NOTCH2NLC: variants seen among roughly 807,000 people sequenced by gnomAD.
NOTCH2NLC encodes the protein notch homolog 2 N-terminal-like protein C.
Under a neutral mutation model 17.7 loss-of-function variants are expected in NOTCH2NLC, and 4 were observed. The observed-to-expected ratio is 0.23, with a 90% CI of 0.11 to 0.52. The LOEUF (loss-of-function observed/expected upper bound fraction) is 0.52, where lower values mean the gene tolerates loss of function less well. Ranked by LOEUF, NOTCH2NLC falls within the 20% of genes least tolerant of loss-of-function variation. The pLI is 0.96. For synonymous variants in NOTCH2NLC, 18 were observed against 86.0 expected (o/e 0.21, Z 4.38); for missense variants, 57 against 207.2 (o/e 0.28, Z 4.45).
At position 149,462,791 on chromosome 1, in the gene NOTCH2NLC, C is replaced by T. The variant is rs1401589519; in HGVS notation, c.470-700C>T. 6.0e-5 allele frequency among the ~76,000 whole-genome samples: 9 copies of T among 148,974 alleles called. 1 individual carries two copies. Among genetic ancestry groups the T allele is most frequent in the Admixed American group, 3.4e-4 (5 of 14,912 alleles). On this transcript the variant is annotated intron_variant, in intron 3 of 4. Transcript: ENST00000650865. ...TACAGAGGTTGGAACTTTAGAGTTGCCAAGATAGGGAGAGTTCACTAGGAA... is the reference window on the plus strand; with the variant it reads ...TACAGAGGTTGGAACTTTAGAGTTGTCAAGATAGGGAGAGTTCACTAGGAA...
rs1211508811 is a variant in NOTCH2NLC, at chr1:149,471,447, C to T, written c.*7294C>T. ...AAGTGATTTATAATTTTACCACCTA[C>T]CTTTAGGTCTCTGATCCATTTTGAG... On this transcript the variant is annotated 3_prime_UTR_variant, in exon 5 of 5. Coordinates refer to ENST00000650865, the MANE Select transcript of NOTCH2NLC (RefSeq NM_001364013.2). Among the ~76,000 whole-genome samples, 1 of 150,536 alleles carries T rather than the reference C, an allele frequency of 6.6e-6. No individual in the cohort carries two copies. The highest frequency in any genetic ancestry group is 1.5e-5 in the Non-Finnish European group (1 of 67,498).
At chr1:149,413,007 C>T (rs1290313925) in intron 1 of NOTCH2NLC, among the ~76,000 whole-genome samples, 5 of 142,458 alleles carry the variant, frequency 3.5e-5, no homozygotes, top group Admixed American at 7.1e-5. Flanking sequence ...CAGGCTCAAG[C>T]GATTCTCCTG....
chr1:149,420,113 G>C (rs1172410032), intron 1 of NOTCH2NLC, among the ~76,000 whole-genome samples: 6 of 149,406 alleles, frequency 4.0e-5, no homozygotes, highest in African/African-American at 1.5e-4. Flanking sequence ...CTCGTGATCC[G>C]CCCACCTCGG....
chr1:149,406,339 C>T, intron 1 of NOTCH2NLC: 1 of 151,006 alleles, frequency 6.6e-6, no homozygotes, highest in East Asian at 1.9e-4. Flanking sequence ...TAGATTATCC[C>T]TGCTATTTTA....
intron 2 of NOTCH2NLC, among the ~76,000 whole-genome samples, chr1:149,432,682 A>G (rs1350810406): frequency 2.0e-5 from 3 of 150,122 alleles, no homozygotes; most frequent in Non-Finnish European, 1.5e-5. Flanking sequence ...CTTTTGCTAG[A>G]ATGTGAGGTC....
rs1454509101 is a variant in NOTCH2NLC, at chr1:149,419,806, G to A, written c.136-11136G>A. Among the ~76,000 whole-genome samples the A allele has an allele frequency of 4.6e-3, 653 of 141,328 alleles. 8 individuals are homozygous for A. The highest frequency in any genetic ancestry group is 0.017 in the African/African-American group (631 of 38,134). 92.7% of individuals were successfully genotyped at this position (141,328 alleles called of 152,430 possible). A position where few individuals can be genotyped will look rare whatever the true frequency, so the allele number is the denominator to read the frequency against. The stretch of plus-strand genomic sequence containing the variant: ...TTGTATGTCTGAAGAAACAAAGCAA[G>A]GGAGAATAAAATAAATAAAAATTGA... On this transcript the variant is annotated intron_variant, in intron 1 of 4. Coordinates refer to ENST00000650865, the MANE Select transcript of NOTCH2NLC (RefSeq NM_001364013.2).
chr1:149,399,163 A>T (rs2084229281), intron 1 of NOTCH2NLC, among the ~76,000 whole-genome samples: 3 of 151,272 alleles, frequency 2.0e-5, no homozygotes, highest in African/African-American at 7.3e-5. Flanking sequence ...ATTCTAAAAT[A>T]AACTGCCTTG....
chr1:149,419,530 G>T (rs2084366463), intron 1 of NOTCH2NLC, among the ~76,000 whole-genome samples: 1 of 150,568 alleles, frequency 6.6e-6, no homozygotes, highest in Non-Finnish European at 1.5e-5. Flanking sequence ...GTGTTGAGCT[G>T]CTTTTTTATT....
chr1:149,461,795 T>C (rs1394438993), intron 3 of NOTCH2NLC, among the ~76,000 whole-genome samples: 1 of 150,142 alleles, frequency 6.7e-6, no homozygotes, highest in Non-Finnish European at 1.5e-5. Context: ...TGGAATACTA[T>C]TCAGCCATAA....
Position 149,390,913 on chromosome 1 carries a change from C to T in NOTCH2NLC, c.126C>T (p.Pro42=), listed in dbSNP as rs1280696604. 2 of 1,436,488 alleles carry T rather than the reference C, an allele frequency of 1.4e-6. 1 individual carries two copies. The allele number at this position is 1,436,488 out of a possible 1,614,324, so 89.0% of individuals were successfully genotyped here. The change falls in exon 1 of 5, where the codon CCC becomes CCT. Residue 42 remains proline, a synonymous_variant. Transcript: ENST00000650865. ...GGCGCTCTGGCTGTGCTGCGCGACCCCCGCGCATGGTGAGTATCGGGCTGA... is the reference window on the plus strand; with the variant it reads ...GGCGCTCTGGCTGTGCTGCGCGACCTCCGCGCATGGTGAGTATCGGGCTGA... ...RCWRSGCAAR[P]PRMCRDGYEP...
chr1:149,449,006 C>T lies in NOTCH2NLC; in HGVS notation c.210-6312C>T, dbSNP rs1370645285. ...ATGCCATTCTCCTGCCTCAGCCTCC[C>T]GAGTAGCTGGGACTACAGGCGCCCG... On this transcript the variant is annotated intron_variant, in intron 2 of 4. Coordinates refer to ENST00000650865, the MANE Select transcript of NOTCH2NLC (RefSeq NM_001364013.2). Among the ~76,000 whole-genome samples, 175 of 147,164 alleles carry T rather than the reference C, an allele frequency of 1.2e-3. 1 individual carries two copies. Among genetic ancestry groups the T allele is most frequent in the Middle Eastern group, 3.4e-3 (1 of 290 alleles).
intron 2 of NOTCH2NLC, among the ~76,000 whole-genome samples, chr1:149,445,869 T>A (rs1324872220): frequency 0.029 from 4,220 of 145,944 alleles, 336 homozygotes; most frequent in East Asian, 0.24. Flanking sequence ...TTTGTTGTTG[T>A]TGTTTTTTTT....
At chr1:149,441,021 T>C (rs2084516016) in intron 2 of NOTCH2NLC, among the ~76,000 whole-genome samples, 3 of 150,910 alleles carry the variant, frequency 2.0e-5, no homozygotes, top group Admixed American at 2.0e-4. Flanking sequence ...TGACTCTTGA[T>C]TCTTATACTT....
rs1402258559 is a variant in NOTCH2NLC, at chr1:149,395,739, GA to G, written c.135+4818del. On this transcript the variant is annotated intron_variant, in intron 1 of 4. Coordinates refer to ENST00000650865, the MANE Select transcript of NOTCH2NLC (RefSeq NM_001364013.2). ...TATTTATTTTGATAATTTTTTTTGA[GA>G]TTTTTTTCATTGAGTTGGATATTGC... is the stretch of plus-strand genomic sequence containing the variant. Among the ~76,000 whole-genome samples the G allele has an allele frequency of 5.6e-5, 8 of 143,562 alleles. No homozygotes were observed. In the East Asian group the frequency reaches 1.7e-3, roughly 31 times the overall value. 94.2% of individuals were successfully genotyped at this position (143,562 alleles called of 152,430 possible). A position where few individuals can be genotyped will look rare whatever the true frequency, so the allele number is the denominator to read the frequency against.
chr1:149,390,915 C>T lies in NOTCH2NLC; in HGVS notation c.128C>T (p.Pro43Leu), dbSNP rs2084162147. ...CWRSGCAARP[P>L]RMCRDGYEPC... ...CGCTCTGGCTGTGCTGCGCGACCCCCGCGCATGGTGAGTATCGGGCTGAGG... is the reference window on the plus strand; with the variant it reads ...CGCTCTGGCTGTGCTGCGCGACCCCTGCGCATGGTGAGTATCGGGCTGAGG... Residue 43 changes from proline to leucine, a missense_variant, in exon 1 of 5, where the codon CCG becomes CTG. This residue lies in a region of NOTCH2NLC where 18 missense variants were observed against 17.2 expected (regional missense o/e 1.05). Transcript: ENST00000650865. 1.4e-6 allele frequency: 2 copies of T among 1,434,734 alleles called. 1 individual carries two copies. Among genetic ancestry groups the T allele is most frequent in the South Asian group, 2.7e-5 (2 of 74,398 alleles). The allele number at this position is 1,434,734 out of a possible 1,614,324, so 88.9% of individuals were successfully genotyped here.
chr1:149,409,443 G>T lies in NOTCH2NLC; in HGVS notation c.135+18521G>T, dbSNP rs1235058738. 1.9e-4 allele frequency among the ~76,000 whole-genome samples: 29 copies of T among 149,908 alleles called. 1 individual carries two copies. The highest frequency in any genetic ancestry group is 3.6e-4 in the Non-Finnish European group (24 of 67,232). On this transcript the variant is annotated intron_variant, in intron 1 of 4. Coordinates refer to ENST00000650865, the MANE Select transcript of NOTCH2NLC (RefSeq NM_001364013.2). The stretch of plus-strand genomic sequence containing the variant: ...TTGGCAAGGAATAGCTGTCCAGAAT[G>T]CTGCATAGATCTAGTGAAAAGATTT...
intron 1 of NOTCH2NLC, among the ~76,000 whole-genome samples, chr1:149,398,903 G>A (rs1223313851): frequency 1.3e-5 from 2 of 152,162 alleles, no homozygotes; most frequent in African/African-American, 4.8e-5. Context: ...GTTGCATAAC[G>A]ACAGGTTGGA....
intron 1 of NOTCH2NLC, among the ~76,000 whole-genome samples, chr1:149,425,757 AG>A (rs1298802571): frequency 7.4e-6 from 1 of 135,272 alleles, no homozygotes; most frequent in Non-Finnish European, 1.6e-5. Flanking sequence ...AGATGCGGTT[AG>A]AATAAAATCA....
intron 1 of NOTCH2NLC, among the ~76,000 whole-genome samples, chr1:149,429,118 T>C (rs1223524241): frequency 2.1e-5 from 3 of 145,960 alleles, no homozygotes; most frequent in Non-Finnish European, 4.6e-5. Context: ...GATGACCCTC[T>C]TCCTGAATTT....
Sources: allele counts gnomAD v4.1 joint callset (sites outside exome capture counted in the v4.1 genomes callset), GRCh38; gene constraint gnomAD v4.1.1; regional missense constraint gnomAD v4.1.1; transcripts MANE v1.5; gene names NCBI Gene and HGNC (gene_info 2026-07-23, HGNC 2026-07-21).